Variants in PKD2 observed in about 807,000 individuals in gnomAD.
PKD2 encodes the protein polycystin 2, transient receptor potential cation channel.
A neutral mutation model predicts 105.9 loss-of-function variants in PKD2; 48 were observed. The ratio of observed to expected loss-of-function variants is 0.45; its 90% CI spans 0.36 to 0.58. The LOEUF (loss-of-function observed/expected upper bound fraction) is 0.58. Among genes scored for constraint, PKD2 ranks in the 20% least tolerant of loss-of-function variants. PKD2 has a pLI of 0.00. For synonymous variants in PKD2, 464 were observed against 481.1 expected (o/e 0.96, Z 0.46); for missense variants, 1,078 against 1,255.3 (o/e 0.86, Z 2.13).
At chr4:88,014,383 G>A (rs2110085207) in intron 1 of PKD2, among the ~76,000 whole-genome samples, 1 of 152,134 alleles carries the variant, frequency 6.6e-6, no homozygotes, top group East Asian at 1.9e-4. Flanking sequence ...CAGGCACGGT[G>A]GCACACGCCT....
intron 1 of PKD2, among the ~76,000 whole-genome samples, chr4:88,016,126 C>T (rs557816284): frequency 9.9e-5 from 15 of 152,278 alleles, no homozygotes; most frequent in Admixed American, 3.9e-4. Context: ...AGGCGGAGCT[C>T]GGGCGGTAAT....
intron 6 of PKD2, 79 bp from the exon 7 acceptor site, chr4:88,051,911 AG>A: frequency 1.3e-6 from 1 of 769,968 alleles, no homozygotes; most frequent in Non-Finnish European, 2.2e-6. Flanking sequence ...ACATTGGTGA[AG>A]AAAAATATAC....
chr4:88,070,570 TATTTTATA>T (rs1250014219), intron 13 of PKD2, among the ~76,000 whole-genome samples: 1 of 122,670 alleles, frequency 8.2e-6, no homozygotes, highest in African/African-American at 3.2e-5. Context: ...TTTATTTATT[TATTTTATA>T]TATATATATA....
At chr4:88,067,451 T>C (rs1720838373) in intron 12 of PKD2, among the ~76,000 whole-genome samples, 1 of 152,118 alleles carries the variant, frequency 6.6e-6, no homozygotes, top group African/African-American at 2.4e-5. Flanking sequence ...ACCTCCCAGG[T>C]AGCTCAGGTA....
chr4:88,073,574 T>C (rs1721119627), intron 13 of PKD2, among the ~76,000 whole-genome samples: 1 of 151,588 alleles, frequency 6.6e-6, no homozygotes, highest in South Asian at 2.1e-4. Flanking sequence ...GCTGGCAGCC[T>C]GCCCCTCCCT....
Position 88,007,729 on chromosome 4 carries a change from C to T in PKD2, c.-5C>T, listed in dbSNP as rs1480637344. The T allele has an allele frequency of 8.3e-6, 10 of 1,201,778 alleles. No individual in the cohort carries two copies. Among genetic ancestry groups the T allele is most frequent in the Non-Finnish European group, 1.0e-5 (10 of 957,282 alleles). The allele number at this position is 1,201,778 out of a possible 1,614,324, so 74.4% of individuals were successfully genotyped here. On this transcript the variant is annotated 5_prime_UTR_variant, in exon 1 of 15. Coordinates refer to ENST00000237596, the MANE Select transcript of PKD2 (RefSeq NM_000297.4). Reference sequence around the variant, plus strand: ...GCACCCGCGCGCCGGACGCCAGTGACCGCGATGGTGAACTCCAGTCGCGTG... The same window carrying T: ...GCACCCGCGCGCCGGACGCCAGTGATCGCGATGGTGAACTCCAGTCGCGTG...
intron 6 of PKD2, 41 bp downstream of exon 6, chr4:88,046,911 C>A: frequency 1.7e-6 from 2 of 1,156,534 alleles, no homozygotes; most frequent in Non-Finnish European, 2.6e-6. Flanking sequence ...TTCTATTCTA[C>A]AAGCATGTTA....
intron 13 of PKD2, among the ~76,000 whole-genome samples, chr4:88,073,330 G>A (rs1721108373): frequency 6.6e-6 from 1 of 152,026 alleles, no homozygotes; most frequent in African/African-American, 2.4e-5. Flanking sequence ...TTTGAGACCA[G>A]CCTGGCCAAC....
At chr4:88,073,034 CAAAAA>C (rs34782103) in intron 13 of PKD2, among the ~76,000 whole-genome samples, 2 of 79,944 alleles carry the variant, frequency 2.5e-5, no homozygotes, top group African/African-American at 4.6e-5. Context: ...GACTCTGTCT[CAAAAA>C]AAAAAAAAAA....
intron 2 of PKD2, among the ~76,000 whole-genome samples, chr4:88,026,305 T>C (rs1391705063): frequency 6.6e-6 from 1 of 152,216 alleles, no homozygotes; most frequent in Non-Finnish European, 1.5e-5. Flanking sequence ...AACGTCACTC[T>C]TACATGTTTT....
At chr4:88,071,731 A>AG (rs2110146649) in intron 13 of PKD2, among the ~76,000 whole-genome samples, 1 of 152,098 alleles carries the variant, frequency 6.6e-6, no homozygotes, top group East Asian at 1.9e-4. Flanking sequence ...TATTCCTTAG[A>AG]GGGCGCAGCT....
At chr4:88,074,439 C>G (rs1049861507) in intron 13 of PKD2, among the ~76,000 whole-genome samples, 10 of 152,150 alleles carry the variant, frequency 6.6e-5, no homozygotes, top group Non-Finnish European at 1.2e-4. Context: ...TGCCCTACCC[C>G]CCCATCAATT....
In PKD2 at chr4:88,062,436, C is replaced by A. The variant is rs546368288; in HGVS notation, c.2118+432C>A. Among the ~76,000 whole-genome samples, 199 of 152,320 alleles carry A rather than the reference C, an allele frequency of 1.3e-3. 1 individual carries two copies. The highest frequency in any genetic ancestry group is 4.5e-3 in the African/African-American group (189 of 41,586). ...TTTTAGAGGAAAACACTTAGTAGTT[C>A]ACCCTTTACCCTTGACCTTCCACGG... On this transcript the variant is annotated intron_variant, in intron 10 of 14. Coordinates refer to ENST00000237596, the MANE Select transcript of PKD2 (RefSeq NM_000297.4).
rs541165834 is a variant in PKD2, at chr4:88,059,145, T to A, written c.2019+1042T>A. On this transcript the variant is annotated intron_variant, in intron 9 of 14. Transcript: ENST00000237596. ...GTATTAATTTCCTGTTTAAAAAAAA[T>A]TTTTTTTCCGGGGAGACACAGCCTC... 7.4e-4 allele frequency among the ~76,000 whole-genome samples: 113 copies of A among 151,976 alleles called. 1 individual carries two copies. The Middle Eastern group carries it at 0.027, about 37-fold the overall frequency.
rs775996570 is a variant in PKD2 at position 88,065,750 on chromosome 4, C to G, written c.2241-12C>G. On this transcript the variant is annotated splice_polypyrimidine_tract_variant and intron_variant, in intron 11 of 14. Coordinates refer to ENST00000237596, the MANE Select transcript of PKD2 (RefSeq NM_000297.4). ...GGAATGATTTTTATCTGTATCCTCT[C>G]TCTAATTTCAGGAAGGGCCATACTG... The G allele has an allele frequency of 1.3e-6, 2 of 1,561,696 alleles. No homozygotes were observed. The highest frequency in any genetic ancestry group is 1.1e-5 in the South Asian group (1 of 90,054).
intron 2 of PKD2, 103 bp from the exon 3 acceptor site, chr4:88,036,117 C>G: frequency 6.3e-7 from 1 of 1,595,718 alleles, no homozygotes; most frequent in South Asian, 1.1e-5. Context: ...GTGAATTTGT[C>G]CAAAATGTTT....
chr4:88,036,061 G>A, intron 2 of PKD2, 159 bp from the exon 3 acceptor site: 1 of 1,041,880 alleles, frequency 9.6e-7, no homozygotes, highest in Non-Finnish European at 1.5e-6. Context: ...AGATACCCTA[G>A]AAGAATGATA....
chr4:88,073,376 A>T (rs1185977852), intron 13 of PKD2, among the ~76,000 whole-genome samples: 2 of 150,788 alleles, frequency 1.3e-5, no homozygotes, highest in Non-Finnish European at 3.0e-5. Flanking sequence ...AAATAGAAAA[A>T]TTATCTGGGC....
At chr4:88,039,774 TA>T (rs201446975) in intron 4 of PKD2, among the ~76,000 whole-genome samples, 163 of 150,160 alleles carry the variant, frequency 1.1e-3, no homozygotes, top group African/African-American at 3.3e-3. Flanking sequence ...TCGCTTTCTT[TA>T]AAAAAAAAAT....
Sources: allele counts gnomAD v4.1 joint callset (sites outside exome capture counted in the v4.1 genomes callset), GRCh38; gene constraint gnomAD v4.1.1; transcripts MANE v1.5; gene names NCBI Gene and HGNC (gene_info 2026-07-23, HGNC 2026-07-21).